The following DMD variants were observed in gnomAD, a reference collection of about 807,000 sequenced individuals.
DMD encodes the protein dystrophin.
DMD carries 63 observed loss-of-function variants against 330.1 expected under a neutral mutation model. The observed-to-expected ratio is 0.19, with a 90% CI of 0.16 to 0.24. The LOEUF (loss-of-function observed/expected upper bound fraction) is 0.24. Ranked by LOEUF, DMD falls within the 10% of genes least tolerant of loss-of-function variation. The pLI is 1.00. For synonymous variants in DMD, 1,223 were observed against 959.8 expected, an observed-to-expected ratio of 1.27 and a Z score of -5.07; for missense variants, 3,344 against 2,684.1, an observed-to-expected ratio of 1.25 and a Z score of -5.43.
intron 7 of DMD, among the ~76,000 whole-genome samples, chrX:32,784,782 T>C (rs1031336557): frequency 1.8e-5 from 2 of 111,762 alleles, no homozygotes; most frequent in African/African-American, 3.2e-5. Flanking sequence ...TTTGTACATT[T>C]ATTAGAATGA....
At chrX:31,833,782 T>C (rs1168405371) in intron 49 of DMD, among the ~76,000 whole-genome samples, 1 of 110,971 alleles carries the variant, frequency 9.0e-6, no homozygotes, top group Non-Finnish European at 1.9e-5. Context: ...AATAGACAAG[T>C]CAATTTCCTA....
chrX:32,354,950 TA>T (rs2097794012), intron 37 of DMD, among the ~76,000 whole-genome samples: 1 of 111,694 alleles, frequency 9.0e-6, no homozygotes, highest in Admixed American at 9.5e-5. Context: ...GGAAATGAAT[TA>T]AAAGAGGAAA....
intron 41 of DMD, among the ~76,000 whole-genome samples, chrX:32,332,351 T>C (rs2097684504): frequency 9.2e-6 from 1 of 109,063 alleles, no homozygotes; most frequent in Non-Finnish European, 1.9e-5. Flanking sequence ...AAGGAAAATA[T>C]TGAGAACTTT....
At chrX:32,370,633 G>C (rs1056138401) in intron 34 of DMD, among the ~76,000 whole-genome samples, 2 of 110,137 alleles carry the variant, frequency 1.8e-5, no homozygotes, top group African/African-American at 6.6e-5. Context: ...ATTGCACCAA[G>C]TTAATGATCT....
At chrX:33,198,299 T>C (rs756331109) in intron 1 of DMD, among the ~76,000 whole-genome samples, 16 of 111,039 alleles carry the variant, frequency 1.4e-4, no homozygotes, top group Admixed American at 7.8e-4. Flanking sequence ...GTGCTCAGTT[T>C]TGAGTGATAT....
In DMD at chrX:31,760,991, C is replaced by A. The variant is rs1007197274; in HGVS notation, c.7542+12969G>T. On this transcript the variant is annotated intron_variant, in intron 51 of 78. Coordinates refer to ENST00000357033, the MANE Select transcript of DMD (RefSeq NM_004006.3). ...ATGGAGTCTTGCTCTGTCGCCCAGG[C>A]TGGAGTGCAGTAGCCTCCCGAGTAG... Among the ~76,000 whole-genome samples the A allele has an allele frequency of 3.2e-5, 3 of 92,420 alleles. No homozygotes were observed. In the Admixed American group the frequency reaches 3.9e-4, roughly 12 times the overall value. The allele number at this position is 92,420 out of a possible 115,157, so 80.3% of individuals were successfully genotyped here.
intron 47 of DMD, among the ~76,000 whole-genome samples, chrX:31,889,643 T>TCA (rs1342429020): frequency 1.2e-4 from 8 of 68,648 alleles, no homozygotes; most frequent in African/African-American, 3.8e-4. Flanking sequence ...TCTCTCTCTC[T>TCA]CTCTCACACA....
chrX:33,281,452 G>A (rs1264502629), intron 1 of DMD, among the ~76,000 whole-genome samples: 9 of 111,285 alleles, frequency 8.1e-5, no homozygotes, highest in African/African-American at 2.3e-4. Flanking sequence ...CAGGTGATCC[G>A]GTCGCCGGGG....
At chrX:32,732,191 C>G (rs752880368) in intron 7 of DMD, among the ~76,000 whole-genome samples, 445 of 110,453 alleles carry the variant, frequency 4.0e-3, no homozygotes, top group Non-Finnish European at 5.5e-3. Flanking sequence ...ATGAAATGAA[C>G]CGAGAAGGGA....
intron 9 of DMD, among the ~76,000 whole-genome samples, chrX:32,653,867 C>G (rs912309467): frequency 1.8e-5 from 2 of 111,636 alleles, no homozygotes; most frequent in Admixed American, 1.9e-4. Context: ...TTGAAGAGGT[C>G]CTTCACATCC....
intron 44 of DMD, among the ~76,000 whole-genome samples, chrX:32,210,805 G>A (rs1459978152): frequency 3.6e-5 from 4 of 111,072 alleles, no homozygotes; most frequent in Non-Finnish European, 7.5e-5. Flanking sequence ...GTTAGATAAG[G>A]GCTTTCTGGG....
At chrX:31,417,116 T>G (rs1259622951) in intron 60 of DMD, among the ~76,000 whole-genome samples, 1 of 111,618 alleles carries the variant, frequency 9.0e-6, no homozygotes, top group Non-Finnish European at 1.9e-5. Flanking sequence ...CCTGTTCTTC[T>G]TCGGGGCTCT....
intron 19 of DMD, among the ~76,000 whole-genome samples, chrX:32,499,478 C>T (rs778408213): frequency 9.0e-5 from 10 of 111,199 alleles, no homozygotes; most frequent in Middle Eastern, 4.6e-3. Flanking sequence ...GGAAACTATA[C>T]GTGGTTAAGA....
chrX:33,163,618 C>CTCTATCTATCTATCTATCTA (rs74647711), intron 1 of DMD, among the ~76,000 whole-genome samples: 2 of 24,854 alleles, frequency 8.0e-5, no homozygotes, highest in African/African-American at 7.5e-5. Flanking sequence ...CTATATCTAT[C>CTCTATCTATCTATCTATCTA]TCTATCTATC....
intron 17 of DMD, among the ~76,000 whole-genome samples, chrX:32,533,171 T>A (rs779196360): frequency 6.3e-4 from 70 of 111,353 alleles, no homozygotes; most frequent in South Asian, 2.3e-3. Context: ...TCAAGTGAGA[T>A]CAAAATGATA....
chrX:33,008,803 C>CACATATATGTATACGT (rs367795613), intron 2 of DMD, among the ~76,000 whole-genome samples: 1 of 62,593 alleles, frequency 1.6e-5, no homozygotes, highest in African/African-American at 5.6e-5. Flanking sequence ...CGTATATATA[C>CACATATATGTATACGT]GTATATATAC....
intron 47 of DMD, among the ~76,000 whole-genome samples, chrX:31,915,239 T>C (rs888749441): frequency 9.1e-6 from 1 of 110,231 alleles, no homozygotes; most frequent in African/African-American, 3.3e-5. Flanking sequence ...GTGTGTTCTC[T>C]TGATGATAAG....
chrX:32,879,405 G>C (rs1175378257), intron 2 of DMD, among the ~76,000 whole-genome samples: 1 of 111,691 alleles, frequency 9.0e-6, no homozygotes, highest in African/African-American at 3.3e-5. Context: ...TTGCCAAAAG[G>C]TTAGACAACC....
At chrX:31,751,315 G>A (rs1290314882) in intron 51 of DMD, among the ~76,000 whole-genome samples, 2 of 111,082 alleles carry the variant, frequency 1.8e-5, no homozygotes, top group Non-Finnish European at 1.9e-5. Flanking sequence ...CATGTCATAA[G>A]GTCTCTTCCC....
Sources: allele counts gnomAD v4.1 joint callset (sites outside exome capture counted in the v4.1 genomes callset), GRCh38; gene constraint gnomAD v4.1.1; transcripts MANE v1.5; gene names NCBI Gene and HGNC (gene_info 2026-07-23, HGNC 2026-07-21).